CNTN5: variants seen among roughly 807,000 people sequenced by gnomAD.
CNTN5 encodes contactin 5.
In CNTN5, 77 loss-of-function variants were observed where a neutral mutation model predicts 129.1. That is an observed-to-expected ratio of 0.60 (90% CI 0.50 to 0.72). The LOEUF is 0.72. Among genes scored for constraint, CNTN5 ranks in the 30% least tolerant of loss-of-function variants. CNTN5 has a pLI of 0.00. For missense variants in CNTN5, 1,478 were observed against 1,328.8 expected (o/e 1.11, Z -1.75); for synonymous variants, 509 against 465.6 (o/e 1.09, Z -1.20).
chr11:99,839,113 AAAAC>A (rs138924061), intron 4 of CNTN5, among the ~76,000 whole-genome samples: 2,561 of 149,838 alleles, frequency 0.017, 82 homozygotes, highest in East Asian at 0.12. Flanking sequence ...AAATACAATT[AAAAC>A]AAACAAGATT....
At chr11:99,999,707 C>T (rs530513296) in intron 8 of CNTN5, among the ~76,000 whole-genome samples, 7 of 152,088 alleles carry the variant, frequency 4.6e-5, no homozygotes, top group South Asian at 4.2e-4. Flanking sequence ...CACATGCACA[C>T]GTATGTTTAT....
intron 3 of CNTN5, among the ~76,000 whole-genome samples, chr11:99,690,500 C>A (rs2134780100): frequency 6.6e-6 from 1 of 152,184 alleles, no homozygotes; most frequent in Non-Finnish European, 1.5e-5. Context: ...TTTTCTAATT[C>A]TGTGAAGAAT....
At chr11:99,659,988 A>G (rs1222016393) in intron 3 of CNTN5, among the ~76,000 whole-genome samples, 1 of 152,124 alleles carries the variant, frequency 6.6e-6, no homozygotes, top group African/African-American at 2.4e-5. Context: ...GCAACTGAGC[A>G]GAGGAAAGAT....
At chr11:99,541,800 T>C (rs1401563234) in intron 2 of CNTN5, among the ~76,000 whole-genome samples, 1 of 151,404 alleles carries the variant, frequency 6.6e-6, no homozygotes, top group African/African-American at 2.4e-5. Flanking sequence ...AATCAAAAAA[T>C]TGGCTACGTA....
chr11:100,002,150 CT>C lies in CNTN5; in HGVS notation c.980+16del. 2 of 1,454,390 alleles carry C rather than the reference CT, an allele frequency of 1.4e-6. No individual in the cohort carries two copies. The highest frequency in any genetic ancestry group is 1.8e-6 in the Non-Finnish European group (2 of 1,089,042). The allele number at this position is 1,454,390 out of a possible 1,614,324, so 90.1% of individuals were successfully genotyped here. On this transcript the variant is annotated intron_variant, in intron 9 of 24. Transcript: ENST00000524871. Reference sequence around the variant, plus strand: ...TGCACTTGGCAAGTAAGTACATGTTCTTCCATAATTAAACACAATTTTTTAT... The same window carrying C: ...TGCACTTGGCAAGTAAGTACATGTTCTCCATAATTAAACACAATTTTTTAT...
At chr11:100,152,099 G>A (rs555002125) in intron 13 of CNTN5, among the ~76,000 whole-genome samples, 94 of 152,208 alleles carry the variant, frequency 6.2e-4, no homozygotes, top group Middle Eastern at 3.4e-3. Context: ...AAGTGAAATC[G>A]TCAACCAGAC....
chr11:99,557,758 T>A (rs4753954), intron 3 of CNTN5, among the ~76,000 whole-genome samples: 10,327 of 151,700 alleles, frequency 0.068, 725 homozygotes, highest in East Asian at 0.33. Flanking sequence ...CAGATTATGC[T>A]CCAAAACATT....
At chr11:99,344,661 A>C (rs1350688620) in intron 2 of CNTN5, among the ~76,000 whole-genome samples, 3 of 152,158 alleles carry the variant, frequency 2.0e-5, no homozygotes, top group Non-Finnish European at 4.4e-5. Context: ...TAATAGAAAA[A>C]TTTAAATCAA....
intron 15 of CNTN5, among the ~76,000 whole-genome samples, chr11:100,221,318 G>C (rs1254699778): frequency 6.6e-6 from 1 of 152,272 alleles, no homozygotes; most frequent in Non-Finnish European, 1.5e-5. Flanking sequence ...GCTCTAAAGA[G>C]CTACGTCAAA....
chr11:100,180,998 T>C (rs1948124171), intron 13 of CNTN5, among the ~76,000 whole-genome samples: 2 of 152,038 alleles, frequency 1.3e-5, no homozygotes, highest in South Asian at 4.1e-4. Context: ...TTTTGGCTGT[T>C]TCTTACGAAA....
intron 20 of CNTN5, among the ~76,000 whole-genome samples, chr11:100,300,843 T>C (rs1183340150): frequency 6.6e-6 from 1 of 151,620 alleles, no homozygotes; most frequent in East Asian, 1.9e-4. Context: ...ATAAAGTCCA[T>C]ATACCATGTT....
At chr11:99,135,685 T>C (rs1010610651) in intron 1 of CNTN5, among the ~76,000 whole-genome samples, 21 of 152,172 alleles carry the variant, frequency 1.4e-4, no homozygotes, top group Admixed American at 6.6e-5. Context: ...ATACTTCTGC[T>C]CAATGAAAGT....
intron 7 of CNTN5, among the ~76,000 whole-genome samples, chr11:99,919,103 C>T (rs992323399): frequency 6.6e-6 from 1 of 152,270 alleles, no homozygotes; most frequent in Admixed American, 6.5e-5. Context: ...CATGACCAGA[C>T]TTGGGAGCAG....
intron 13 of CNTN5, among the ~76,000 whole-genome samples, chr11:100,086,556 A>ATG (rs921064626): frequency 3.3e-5 from 5 of 150,898 alleles, no homozygotes; most frequent in African/African-American, 7.3e-5. Context: ...ATATATATGT[A>ATG]TGTGTGTGTG....
At position 99,834,324 on chromosome 11, in the gene CNTN5, A is replaced by G. The variant is rs61690645; in HGVS notation, c.278-10528A>G. Among the ~76,000 whole-genome samples, 883 of 152,256 alleles carry G rather than the reference A, an allele frequency of 5.8e-3. 5 individuals carry two copies. Among genetic ancestry groups the G allele is most frequent in the African/African-American group, 0.02 (832 of 41,558 alleles). ...TCTTGATTGCTTCTTTATGTTGTCT[A>G]TTATAATTCTGAAAACTTACATATT... On this transcript the variant is annotated intron_variant, in intron 4 of 24. Coordinates refer to ENST00000524871, the MANE Select transcript of CNTN5 (RefSeq NM_014361.4).
At chr11:99,854,845 A>G (rs950424579) in intron 6 of CNTN5, among the ~76,000 whole-genome samples, 1 of 152,182 alleles carries the variant, frequency 6.6e-6, no homozygotes, top group African/African-American at 2.4e-5. Flanking sequence ...AAGACAACAG[A>G]CCTAAACTTC....
intron 17 of CNTN5, among the ~76,000 whole-genome samples, chr11:100,260,717 C>A (rs186961876): frequency 6.6e-6 from 1 of 152,094 alleles, no homozygotes; most frequent in Non-Finnish European, 1.5e-5. Context: ...TCAATATATG[C>A]AGAAAAGGAG....
intron 3 of CNTN5, among the ~76,000 whole-genome samples, chr11:99,763,129 G>A (rs1944641898): frequency 8.6e-6 from 1 of 115,920 alleles, no homozygotes; most frequent in African/African-American, 2.9e-5. Context: ...ATACTTTACT[G>A]TATCAACAAT....
intron 2 of CNTN5, among the ~76,000 whole-genome samples, chr11:99,485,021 T>C (rs1945754909): frequency 6.6e-6 from 1 of 152,134 alleles, no homozygotes; most frequent in Non-Finnish European, 1.5e-5. Context: ...GTAGGATGAC[T>C]ATAGTTAACA....
Sources: gnomAD v4.1 joint callset for allele counts (sites outside exome capture counted in the v4.1 genomes callset) on GRCh38, gnomAD v4.1.1 for gene constraint, MANE v1.5 for transcripts, NCBI Gene and HGNC (gene_info 2026-07-23, HGNC 2026-07-21) for gene names.